VIPAS39: variants seen among roughly 807,000 people sequenced by gnomAD.
VIPAS39 encodes VPS33B interacting protein, apical-basolateral polarity regulator, spe-39 homolog.
In VIPAS39, 63 loss-of-function variants were observed where a neutral mutation model predicts 84.7. The observed-to-expected ratio is 0.74, with a 90% CI of 0.61 to 0.92. VIPAS39 has a LOEUF of 0.92. Among genes scored for constraint, VIPAS39 ranks in the 40% least tolerant of loss-of-function variants. The pLI is 0.00. For synonymous variants in VIPAS39, 192 were observed against 216.5 expected (o/e 0.89, Z 0.99); for missense variants, 499 against 604.5 (o/e 0.83, Z 1.83).
intron 8 of VIPAS39, 128 bp from the exon 9 acceptor site, chr14:77,443,280 G>T (rs914927394): frequency 1.8e-6 from 2 of 1,111,238 alleles, no homozygotes; most frequent in African/African-American, 3.1e-5. Flanking sequence ...TGTATGTGAT[G>T]CAAGGAAAGC....
At chr14:77,448,078 C>T (rs1182473364) in intron 7 of VIPAS39, among the ~76,000 whole-genome samples, 3 of 151,840 alleles carry the variant, frequency 2.0e-5, no homozygotes, top group Non-Finnish European at 4.4e-5. Context: ...CCTCAGCCTC[C>T]CGAGTAGCTG....
At chr14:77,442,426 C>G (rs2078717202) in intron 10 of VIPAS39, 134 bp downstream of exon 10, 1 of 815,070 alleles carries the variant, frequency 1.2e-6, no homozygotes, top group African/African-American at 1.7e-5. Context: ...TAGTTATCCC[C>G]TCACACTTCA....
chr14:77,455,169 A>ATAGTAGTTATAACTATAT (rs2078941761), intron 1 of VIPAS39, among the ~76,000 whole-genome samples: 1 of 152,214 alleles, frequency 6.6e-6, no homozygotes, highest in African/African-American at 2.4e-5. Context: ...TTTGCCCTGC[A>ATAGTAGTTATAACTATAT]AAAACAAGTT....
intron 11 of VIPAS39, 101 bp from the exon 12 acceptor site, chr14:77,437,982 A>G: frequency 8.5e-7 from 1 of 1,171,594 alleles, no homozygotes; most frequent in Non-Finnish European, 1.3e-6. Flanking sequence ...CAAATTCTTC[A>G]TTTCTGGGTA....
chr14:77,454,505 T>C (rs2078931169), intron 1 of VIPAS39, among the ~76,000 whole-genome samples: 2 of 151,846 alleles, frequency 1.3e-5, no homozygotes, highest in Non-Finnish European at 2.9e-5. Flanking sequence ...AGAAACCCCG[T>C]CTCTACTAAA....
rs1225662076 is a variant in VIPAS39 at position 77,444,360 on chromosome 14, A to T, written c.505-19T>A. 3 of 1,600,988 alleles carry T rather than the reference A, an allele frequency of 1.9e-6. No homozygotes were observed. The highest frequency in any genetic ancestry group is 2.6e-6 in the Non-Finnish European group (3 of 1,168,698). On this transcript the variant is annotated intron_variant, in intron 7 of 19. Transcript: ENST00000557658. The stretch of plus-strand genomic sequence containing the variant: ...AGCAAACCTGGCAGAATAACACTAG[A>T]ATTAGTACACAAGAAGACAGTTTTC...
intron 16 of VIPAS39, among the ~76,000 whole-genome samples, chr14:77,432,573 G>A (rs920015772): frequency 9.2e-5 from 14 of 152,056 alleles, no homozygotes; most frequent in African/African-American, 3.1e-4. Context: ...TATATACAAT[G>A]GAATATATTC....
At chr14:77,430,515 G>A (rs868589089) in intron 16 of VIPAS39, among the ~76,000 whole-genome samples, 2 of 151,930 alleles carry the variant, frequency 1.3e-5, no homozygotes, top group Non-Finnish European at 2.9e-5. Flanking sequence ...CCAGGAGTTC[G>A]AGACCAGCCT....
intron 8 of VIPAS39, 158 bp from the exon 9 acceptor site, chr14:77,443,310 A>G: frequency 1.2e-6 from 1 of 865,764 alleles, no homozygotes; most frequent in African/African-American, 1.7e-5. Context: ...TCTGGAACTG[A>G]GCTGTGTCTT....
In VIPAS39 at chr14:77,442,616, A is replaced by G; in HGVS notation, c.678T>C (p.His226=). 6.2e-7 allele frequency: 1 copy of G among 1,614,220 alleles called. No individual in the cohort carries two copies. Among genetic ancestry groups the G allele is most frequent in the Non-Finnish European group, 8.5e-7 (1 of 1,180,036 alleles). ...CTATTTCCTTAAGGAAGTGAATAAG[A>G]TGTCTCAGGGCAACCTGTCGCACCT... ...ELEVRQVALR[H]LIHFLKEIGD... The change falls in exon 10 of 20, where the codon CAT becomes CAC. Residue 226 remains histidine, a synonymous_variant. Transcript: ENST00000557658.
intron 17 of VIPAS39, 23 bp downstream of exon 17, chr14:77,429,658 C>G: frequency 6.2e-7 from 1 of 1,611,234 alleles, no homozygotes. Flanking sequence ...ATCCTGTACC[C>G]AACTCTCTTC....
intron 6 of VIPAS39, among the ~76,000 whole-genome samples, chr14:77,448,923 C>T (rs968224033): frequency 6.6e-6 from 1 of 152,176 alleles, no homozygotes; most frequent in African/African-American, 2.4e-5. Context: ...CCTTTTCCGA[C>T]CTTAGGATAT....
At chr14:77,444,190 A>C in intron 8 of VIPAS39, 59 bp downstream of exon 8, 2 of 1,526,304 alleles carry the variant, frequency 1.3e-6, no homozygotes, top group Non-Finnish European at 1.8e-6. Flanking sequence ...ATTTGATTGG[A>C]TTTTCAGAAA....
chr14:77,452,787 A>G (rs10136421), intron 3 of VIPAS39, among the ~76,000 whole-genome samples: 1,828 of 109,324 alleles, frequency 0.017, 42 homozygotes, highest in African/African-American at 0.06. Flanking sequence ...CTCAAAAAAA[A>G]AAAAAAAAAA....
chr14:77,443,105 C>T lies in VIPAS39; in HGVS notation c.631+14G>A, dbSNP rs370038792. On this transcript the variant is annotated intron_variant, in intron 9 of 19. Transcript: ENST00000557658. Reference sequence around the variant, plus strand: ...CACCTTGCTGACTGAAGATTTCCTGCAAGCCATTCTCACCTTTGCTCAGTG... The same window carrying T: ...CACCTTGCTGACTGAAGATTTCCTGTAAGCCATTCTCACCTTTGCTCAGTG... 21 of 1,614,212 alleles carry T rather than the reference C, an allele frequency of 1.3e-5. No individual in the cohort carries two copies. In the African/African-American group the frequency reaches 2.4e-4, roughly 18 times the overall value.
Position 77,429,678 on chromosome 14 carries a change from T to G in VIPAS39, c.1266+3A>C. 1 of 1,614,068 alleles carries G rather than the reference T, an allele frequency of 6.2e-7. No individual in the cohort carries two copies. The highest frequency in any genetic ancestry group is 8.5e-7 in the Non-Finnish European group (1 of 1,179,922). On this transcript the variant is annotated splice_donor_region_variant and intron_variant, in intron 17 of 19. Coordinates refer to ENST00000557658, the MANE Select transcript of VIPAS39 (RefSeq NM_001193315.2). ...GTACCCAACTCTCTTCAGGACCCATTACCTGCACAGGGGCATTGTTCTTGT... is the reference window on the plus strand; with the variant it reads ...GTACCCAACTCTCTTCAGGACCCATGACCTGCACAGGGGCATTGTTCTTGT...
chr14:77,436,734 C>A (rs926545949), intron 12 of VIPAS39, among the ~76,000 whole-genome samples: 1 of 152,162 alleles, frequency 6.6e-6, no homozygotes, highest in Non-Finnish European at 1.5e-5. Flanking sequence ...TGAGCTGCTG[C>A]GCCCGGCCAC....
chr14:77,447,710 G>A (rs1173477952), intron 7 of VIPAS39, among the ~76,000 whole-genome samples: 2 of 152,160 alleles, frequency 1.3e-5, no homozygotes, highest in Non-Finnish European at 2.9e-5. Flanking sequence ...GCCCAGGCTG[G>A]AGTGCAGTGG....
intron 2 of VIPAS39, 100 bp from the exon 3 acceptor site, chr14:77,453,501 C>T: frequency 9.2e-7 from 1 of 1,091,670 alleles, no homozygotes; most frequent in South Asian, 1.2e-5. Context: ...TGAAGGTGGC[C>T]AACACTCGCC....
Sources: gnomAD v4.1 joint callset for allele counts (sites outside exome capture counted in the v4.1 genomes callset) on GRCh38, gnomAD v4.1.1 for gene constraint, MANE v1.5 for transcripts, NCBI Gene and HGNC (gene_info 2026-07-23, HGNC 2026-07-21) for gene names.